NEB: variants seen among roughly 807,000 people sequenced by gnomAD.
NEB encodes the protein nemaline myopathy type 2.
Under a neutral mutation model 952.2 loss-of-function variants are expected in NEB, and 512 were observed. The observed-to-expected ratio is 0.54, with a 90% CI of 0.50 to 0.58. The LOEUF is 0.58. NEB is among the 20% of genes least tolerant of loss of function. NEB has a pLI of 0.00. For synonymous variants in NEB, 2,900 were observed against 3,149.8 expected (o/e 0.92, Z 2.66); for missense variants, 8,428 against 9,231.1 (o/e 0.91, Z 3.56).
chr2:151,524,710 A>G, intron 151 of NEB, 94 bp from the exon 152 acceptor site: 2 of 957,394 alleles, frequency 2.1e-6, no homozygotes, highest in South Asian at 3.1e-5. Flanking sequence ...TCTGTTGCCC[A>G]GGCTTGAGTG....
intron 15 of NEB, 39 bp from the exon 16 acceptor site, chr2:151,697,291 G>T (rs769749267): frequency 2.5e-6 from 4 of 1,606,488 alleles, no homozygotes; most frequent in East Asian, 4.5e-5. Context: ...TGCAGCCATT[G>T]TATTCATGCC....
At chr2:151,534,102 A>G in intron 142 of NEB, 1 of 784,996 alleles carries the variant, frequency 1.3e-6, no homozygotes, top group Non-Finnish European at 2.1e-6. Flanking sequence ...GAAACAGAAC[A>G]ACCCAATATC....
chr2:151,697,416 A>G lies in NEB; in HGVS notation c.1299T>C (p.His433=). ...ATGGATCCTCGAAGCTGCCTACATAATGTCCCAAAATATCTTTTAAGTAGG... is the reference window on the plus strand; with the variant it reads ...ATGGATCCTCGAAGCTGCCTACATAGTGTCCCAAAATATCTTTTAAGTAGG... The part of the protein sequence containing the change: ...KDSYLKDILG[H]YVGSFEDPYH... Residue 433 remains histidine (H), a synonymous_variant, in exon 15 of 182, where the codon CAT becomes CAC. Transcript: ENST00000397345. 1 of 1,613,922 alleles carries G rather than the reference A, an allele frequency of 6.2e-7. No individual in the cohort carries two copies. Among genetic ancestry groups the G allele is most frequent in the Non-Finnish European group, 8.5e-7 (1 of 1,179,816 alleles).
chr2:151,545,581 A>G (rs1333471496), intron 135 of NEB, among the ~76,000 whole-genome samples: 2 of 152,190 alleles, frequency 1.3e-5, no homozygotes, highest in South Asian at 2.1e-4. Context: ...ATCTCAAAAA[A>G]AAAAAGAAAA....
intron 121 of NEB, 32 bp downstream of exon 121, chr2:151,562,069 ATGACCCATG>A: frequency 6.6e-7 from 1 of 1,504,728 alleles, no homozygotes; most frequent in Non-Finnish European, 9.2e-7. Flanking sequence ...ATGGATTCTG[ATGACCCATG>A]GAGAACCAGT....
At chr2:151,488,665 T>C (rs2053365007) in intron 181 of NEB, among the ~76,000 whole-genome samples, 2 of 151,984 alleles carry the variant, frequency 1.3e-5, no homozygotes, top group Admixed American at 6.6e-5. Flanking sequence ...AAAAAAAGTA[T>C]TCTGTATTAT....
chr2:151,619,016 T>A (rs1253268594), intron 73 of NEB, among the ~76,000 whole-genome samples: 1 of 152,162 alleles, frequency 6.6e-6, no homozygotes, highest in Non-Finnish European at 1.5e-5. Flanking sequence ...TCGAAAAACG[T>A]AAGAATGATA....
chr2:151,640,207 G>A (rs2098829405), intron 61 of NEB, 147 bp from the exon 62 acceptor site: 1 of 1,460,774 alleles, frequency 6.8e-7, no homozygotes, highest in Non-Finnish European at 9.3e-7. Context: ...TGGTCTGAAG[G>A]GTTAAAGGAT....
chr2:151,554,995 G>T lies in NEB; in HGVS notation c.19364C>A (p.Pro6455Gln). Residue 6455 changes from proline (P) to glutamine (Q), a missense_variant, in exon 125 of 182, where the codon CCA becomes CAA. By Grantham distance (76) the Pro-to-Gln change is moderately conservative. Transcript: ENST00000397345. ...YEKFKALYTL[P>Q]RSVDDDPNTA... Reference sequence around the variant, plus strand: ...GTTCGGATCATCGTCAACACTTCTTGGTAACGTATAAAGAGCTTTGAACTT... The same window carrying T: ...GTTCGGATCATCGTCAACACTTCTTTGTAACGTATAAAGAGCTTTGAACTT... The T allele has an allele frequency of 1.9e-6, 3 of 1,613,716 alleles. No individual in the cohort carries two copies. The highest frequency in any genetic ancestry group is 1.1e-5 in the South Asian group (1 of 91,074).
In NEB at chr2:151,664,489, G is replaced by A. The variant is rs2154174607; in HGVS notation, c.5451+12C>T. 1.3e-6 allele frequency: 2 copies of A among 1,559,368 alleles called. No homozygotes were observed. The highest frequency in any genetic ancestry group is 8.7e-7 in the Non-Finnish European group (1 of 1,155,096). ...TTGCTCAACCCCAAAAAGGCCCAGT[G>A]CAAGCACTTACATCACTGGCAATGT... On this transcript the variant is annotated intron_variant, in intron 44 of 181. Coordinates refer to ENST00000397345, the MANE Select transcript of NEB (RefSeq NM_001164508.2).
At chr2:151,717,736 A>G (rs572633888) in intron 9 of NEB, among the ~76,000 whole-genome samples, 2 of 152,012 alleles carry the variant, frequency 1.3e-5, no homozygotes, top group Non-Finnish European at 2.9e-5. Flanking sequence ...TTTCCATGCC[A>G]TGGTTTGCAA....
intron 46 of NEB, among the ~76,000 whole-genome samples, chr2:151,659,819 C>T (rs1424901529): frequency 2.0e-5 from 3 of 152,126 alleles, no homozygotes; most frequent in African/African-American, 7.2e-5. Context: ...ATAGGTTAGA[C>T]ATATTTGAAC....
chr2:151,605,513 T>C lies in NEB; in HGVS notation c.12748-642A>G, dbSNP rs978545592. 1.7e-5 allele frequency among the ~76,000 whole-genome samples: 2 copies of C among 115,790 alleles called. 1 individual carries two copies. The highest frequency in any genetic ancestry group is 2.3e-4 in the Admixed American group (2 of 8,870). The allele number at this position is 115,790 out of a possible 152,430, so 76.0% of individuals were successfully genotyped here. A position where few individuals can be genotyped will look rare whatever the true frequency, so the allele number is the denominator to read the frequency against. On this transcript the variant is annotated intron_variant, in intron 84 of 181. Coordinates refer to ENST00000397345, the MANE Select transcript of NEB (RefSeq NM_001164508.2). ...TCAGAAGATAACAACAAAAGTTCTG[T>C]GGACAAGAGTTTCCATCTGATGAGT...
intron 168 of NEB, among the ~76,000 whole-genome samples, chr2:151,500,898 C>G (rs1490268794): frequency 6.6e-6 from 1 of 151,936 alleles, no homozygotes; most frequent in Non-Finnish European, 1.5e-5. Context: ...CACGCCTGGC[C>G]CCAAATAAGA....
rs2099780372 is a variant in NEB, at chr2:151,723,393, C to T, written c.706G>A (p.Ala236Thr). The change falls in exon 9 of 182, where the codon GCT (alanine) becomes ACT (threonine). Residue 236 changes from alanine to threonine, a missense_variant. Ala to Thr is a moderately conservative substitution (Grantham distance 58). Coordinates refer to ENST00000397345, the MANE Select transcript of NEB (RefSeq NM_001164508.2). Reference protein sequence around the residue: ...ELRRVAQAQKALSDVAYKKGL... With the variant: ...ELRRVAQAQKTLSDVAYKKGL... ...TGCATTTCACTTACATCACTGAGAG[C>T]TTTCTGGGCCTGGGCAACTCTCCTC... is the stretch of plus-strand genomic sequence containing the variant. 6.2e-7 allele frequency: 1 copy of T among 1,607,280 alleles called. No individual in the cohort carries two copies. Among genetic ancestry groups the T allele is most frequent in the Non-Finnish European group, 8.5e-7 (1 of 1,176,778 alleles).
chr2:151,725,642 A>T (rs1443891681), intron 5 of NEB, 82 bp from the exon 6 acceptor site: 9 of 1,155,640 alleles, frequency 7.8e-6, no homozygotes, highest in African/African-American at 1.5e-5. Flanking sequence ...GATAAAAAAA[A>T]ATCCTTCAAG....
intron 153 of NEB, among the ~76,000 whole-genome samples, chr2:151,521,855 T>C (rs904362524): frequency 6.6e-6 from 1 of 152,236 alleles, no homozygotes; most frequent in African/African-American, 2.4e-5. Context: ...TTCAGCACTT[T>C]TGGCCTTCCT....
Position 151,627,092 on chromosome 2 carries a change from G to T in NEB, c.10257C>A (p.Tyr3419Ter). 1 of 1,613,924 alleles carries T rather than the reference G, an allele frequency of 6.2e-7. No individual in the cohort carries two copies. The highest frequency in any genetic ancestry group is 8.5e-7 in the Non-Finnish European group (1 of 1,179,870). Residue 3419 changes from tyrosine (Y) to a stop codon, truncating the protein, a stop_gained, in exon 70 of 182, where the codon TAC (tyrosine) becomes TAA (stop). Transcript: ENST00000397345. LOFTEE classifies it high-confidence loss of function. Reference sequence around the variant, plus strand: ...ATTTCAGCTTGTCCGGAGGCTGGCGGTAGATGTTATCACTCAGTATTTCAG... The same window carrying T: ...ATTTCAGCTTGTCCGGAGGCTGGCGTTAGATGTTATCACTCAGTATTTCAG... ...RAAEILSDNI[Y>*]RQPPDKLKFT...
chr2:151,568,835 C>T (rs1358364512), intron 110 of NEB, 119 bp from the exon 111 acceptor site: 3 of 724,954 alleles, frequency 4.1e-6, no homozygotes, highest in Non-Finnish European at 4.4e-6. Flanking sequence ...ATTTGAATAG[C>T]GTCTTCTTGG....
Sources: gnomAD v4.1 joint callset for allele counts (sites outside exome capture counted in the v4.1 genomes callset) on GRCh38, gnomAD v4.1.1 for gene constraint, MANE v1.5 for transcripts, NCBI Gene and HGNC (gene_info 2026-07-23, HGNC 2026-07-21) for gene names.